The following COL4A4 variants were observed in gnomAD, a reference collection of about 807,000 sequenced individuals.
The protein encoded by COL4A4 is collagen type IV alpha 4 chain, also known as collagen alpha-4(IV) chain.
Under a neutral mutation model 192.9 loss-of-function variants are expected in COL4A4, and 105 were observed. The observed-to-expected ratio is 0.54, with a 90% CI of 0.46 to 0.64. COL4A4 has a LOEUF of 0.64. COL4A4 is among the 30% of genes least tolerant of loss of function. The pLI, the probability that COL4A4 is intolerant of heterozygous loss-of-function variation, is 0.00. For missense variants in COL4A4, 1,967 were observed against 2,169.3 expected (o/e 0.91, Z 1.85); for synonymous variants, 762 against 769.9 (o/e 0.99, Z 0.17).
intron 17 of COL4A4, among the ~76,000 whole-genome samples, chr2:227,100,364 A>G (rs1576498495): frequency 6.6e-6 from 1 of 151,212 alleles, no homozygotes. Context: ...TGATATGATA[A>G]TATGATAATC....
rs1395293432 is a variant in COL4A4, at chr2:227,077,395, A to G, written c.1987+499T>C. On this transcript the variant is annotated intron_variant, in intron 25 of 47. Coordinates refer to ENST00000396625, the MANE Select transcript of COL4A4 (RefSeq NM_000092.5). Reference sequence around the variant, plus strand: ...TCTCAGCACACTAACACAGGAACAGAAAACCAAACACCGCATGTTCTCGCT... The same window carrying G: ...TCTCAGCACACTAACACAGGAACAGGAAACCAAACACCGCATGTTCTCGCT... Among the ~76,000 whole-genome samples, 20 of 152,210 alleles carry G rather than the reference A, an allele frequency of 1.3e-4. 1 individual carries two copies. The highest frequency in any genetic ancestry group is 1.3e-3 in the Admixed American group (20 of 15,278).
intron 37 of COL4A4, among the ~76,000 whole-genome samples, chr2:227,034,064 T>C (rs1226794905): frequency 6.6e-6 from 1 of 152,240 alleles, no homozygotes; most frequent in Non-Finnish European, 1.5e-5. Context: ...ACAACCATTC[T>C]GATGCCTTTC....
the COL4A4 span, among the ~76,000 whole-genome samples, chr2:226,970,247 G>T: frequency 2.6e-5 from 4 of 152,036 alleles, no homozygotes; most frequent in East Asian, 1.9e-4. Context: ...GAATTAAGGT[G>T]TTTCTTAAAG....
At chr2:227,112,272 C>CTT (rs544939081) in intron 8 of COL4A4, among the ~76,000 whole-genome samples, 27 of 144,832 alleles carry the variant, frequency 1.9e-4, no homozygotes, top group African/African-American at 6.1e-4. Flanking sequence ...ACATTTCAAC[C>CTT]TTTTTTTTTT....
chr2:227,090,401 C>A (rs2059850282), intron 20 of COL4A4, among the ~76,000 whole-genome samples: 1 of 152,048 alleles, frequency 6.6e-6, no homozygotes, highest in Non-Finnish European at 1.5e-5. Context: ...AGATAAAATG[C>A]AAACAGTTTG....
intron 7 of COL4A4, among the ~76,000 whole-genome samples, chr2:227,115,628 T>C (rs2061452715): frequency 6.6e-6 from 1 of 152,196 alleles, no homozygotes; most frequent in South Asian, 2.1e-4. Context: ...TCCTACCATC[T>C]TTATATATCA....
rs115128674 is a variant in COL4A4, at chr2:227,119,604, T to C, written c.372+291A>G. ...AATATATTTGGTGCAAAAGTAATTGTGGGGGATTGAAAGTAACAGCAAAAA... is the reference window on the plus strand; with the variant it reads ...AATATATTTGGTGCAAAAGTAATTGCGGGGGATTGAAAGTAACAGCAAAAA... On this transcript the variant is annotated intron_variant, in intron 6 of 47. Transcript: ENST00000396625. Among the ~76,000 whole-genome samples the C allele has an allele frequency of 0.035, 5,118 of 148,292 alleles. 285 individuals are homozygous for C. The highest frequency in any genetic ancestry group is 0.12 in the African/African-American group (4,775 of 40,688).
chr2:227,056,318 A>C (rs147037243), intron 29 of COL4A4, among the ~76,000 whole-genome samples: 1 of 152,360 alleles, frequency 6.6e-6, no homozygotes, highest in East Asian at 1.9e-4. Context: ...CATTTGAGTA[A>C]ATGTTTCCCA....
intron 25 of COL4A4, among the ~76,000 whole-genome samples, chr2:227,067,808 C>A (rs1334733747): frequency 1.3e-5 from 2 of 151,220 alleles, no homozygotes; most frequent in African/African-American, 4.9e-5. Context: ...ATTAAAAGAA[C>A]TAGAAAAGCA....
chr2:226,979,674 TC>T, the COL4A4 span, among the ~76,000 whole-genome samples: 1 of 152,176 alleles, frequency 6.6e-6, no homozygotes, highest in East Asian at 1.9e-4. Flanking sequence ...ATACTGGCAA[TC>T]CACTGGATGG....
chr2:227,102,889 TATTTCAGCAATAGGGAAAGC>T (rs769515652), intron 14 of COL4A4, 41 bp from the exon 15 acceptor site: 2 of 209,642 alleles, frequency 9.5e-6, no homozygotes, highest in South Asian at 1.1e-4. Flanking sequence ...CAAGCAACAA[TATTTCAGCAATAGGGAAAGC>T]AATATTTCAG....
At chr2:226,992,833 T>C in the COL4A4 span, among the ~76,000 whole-genome samples, 2 of 152,198 alleles carry the variant, frequency 1.3e-5, no homozygotes, top group African/African-American at 2.4e-5. Flanking sequence ...CTCAGAAGGT[T>C]CGCTGTTCTT....
the COL4A4 span, among the ~76,000 whole-genome samples, chr2:226,991,065 A>G: frequency 2.6e-5 from 4 of 152,212 alleles, no homozygotes; most frequent in Non-Finnish European, 2.9e-5. Context: ...TTTTATATCT[A>G]TTTCTCAGAA....
At chr2:227,105,552 G>A (rs538759692) in intron 12 of COL4A4, among the ~76,000 whole-genome samples, 5 of 152,202 alleles carry the variant, frequency 3.3e-5, no homozygotes, top group African/African-American at 9.6e-5. Context: ...TTTTAAAACT[G>A]TAAAATAATA....
At chr2:227,119,185 C>T (rs2061646405) in intron 6 of COL4A4, among the ~76,000 whole-genome samples, 1 of 151,814 alleles carries the variant, frequency 6.6e-6, no homozygotes, top group Non-Finnish European at 1.5e-5. Context: ...TTGTACTTGA[C>T]ATAACAAGTA....
chr2:226,969,907 G>C, the COL4A4 span, among the ~76,000 whole-genome samples: 4 of 151,980 alleles, frequency 2.6e-5, no homozygotes, highest in African/African-American at 9.7e-5. Context: ...AGGCACAAAG[G>C]GAATCTTGAA....
At chr2:227,154,069 A>C (rs1574248) in intron 1 of COL4A4, among the ~76,000 whole-genome samples, 76,891 of 151,944 alleles carry the variant, frequency 0.51, 20,204 homozygotes, top group East Asian at 0.62. Flanking sequence ...GGGCCTTTGA[A>C]GTCCACCTTG....
chr2:227,027,917 G>C lies in COL4A4; in HGVS notation c.4066C>G (p.Pro1356Ala), dbSNP rs1202146866. ...GLPGPPGRKGPTGLPGPRGEP... is the reference protein window; with the variant it reads ...GLPGPPGRKGATGLPGPRGEP... ...GGAAGCTCACCCGGAAGACCAGTGG[G>C]CCCTTTTCTCCCTGGAGGTCCAGGT... The change falls in exon 42 of 48, where the codon CCC becomes GCC. Residue 1356 changes from proline (P) to alanine (A), a missense_variant. Coordinates refer to ENST00000396625, the MANE Select transcript of COL4A4 (RefSeq NM_000092.5). The C allele has an allele frequency of 1.2e-6, 2 of 1,612,314 alleles. No individual in the cohort carries two copies.
chr2:227,012,331 C>T (rs1963921757), intron 44 of COL4A4, 34 bp from the exon 45 acceptor site: 1 of 1,509,196 alleles, frequency 6.6e-7, no homozygotes, highest in South Asian at 1.1e-5. Context: ...GTGGTGAAAG[C>T]AACCATGACA....
Sources: gnomAD v4.1 joint callset for allele counts (sites outside exome capture counted in the v4.1 genomes callset) on GRCh38, gnomAD v4.1.1 for gene constraint, MANE v1.5 for transcripts, NCBI Gene and HGNC (gene_info 2026-07-23, HGNC 2026-07-21) for gene names.